The following ZPLD1 variants were observed in gnomAD, a reference collection of about 807,000 sequenced individuals.
ZPLD1 encodes the protein zona pellucida like domain containing 1, also known as zona pellucida-like domain-containing protein 1.
Under a neutral mutation model 47.2 loss-of-function variants are expected in ZPLD1, and 34 were observed. The observed-to-expected ratio is 0.72, with a 90% CI of 0.55 to 0.96. The LOEUF is 0.96. ZPLD1 is among the 40% of genes least tolerant of loss of function. The pLI is 0.00. For synonymous variants in ZPLD1, 176 were observed against 186.2 expected (o/e 0.95, Z 0.45); for missense variants, 512 against 505.8 (o/e 1.01, Z -0.12).
rs1559765116 is a variant in ZPLD1, at chr3:102,478,979, A to G, written c.*1361A>G. The G allele has an allele frequency of 6.6e-6, 1 of 152,172 alleles. No homozygotes were observed. The highest frequency in any genetic ancestry group is 2.4e-5 in the African/African-American group (1 of 41,438). 9.4% of individuals were successfully genotyped at this position (152,172 alleles called of 1,614,324 possible). A position where few individuals can be genotyped will look rare whatever the true frequency, so the allele number is the denominator to read the frequency against. On this transcript the variant is annotated 3_prime_UTR_variant, in exon 12 of 12. Coordinates refer to ENST00000466937, the MANE Select transcript of ZPLD1 (RefSeq NM_001329788.2). The stretch of plus-strand genomic sequence containing the variant: ...TTTACTATACTGCATGCAAATCATC[A>G]AGCAATTGCTTCAAAGGAAATGTCT...
intron 7 of ZPLD1, among the ~76,000 whole-genome samples, chr3:102,399,155 T>C (rs932434979): frequency 1.3e-5 from 2 of 152,142 alleles, no homozygotes; most frequent in African/African-American, 4.8e-5. Context: ...TGGCCACCTA[T>C]CTTGTATCCC....
intron 1 of ZPLD1, 147 bp downstream of exon 1, chr3:102,435,301 A>T (rs573811716): frequency 1.2e-6 from 1 of 817,110 alleles, no homozygotes; most frequent in South Asian, 1.7e-5. Context: ...TATAAGAGAT[A>T]TGGGTGTCCT....
chr3:102,474,382 C>A (rs1055086501), intron 10 of ZPLD1, among the ~76,000 whole-genome samples: 1 of 152,080 alleles, frequency 6.6e-6, no homozygotes, highest in Non-Finnish European at 1.5e-5. Context: ...GTTAATAATT[C>A]ATTTGAGCAT....
intron 7 of ZPLD1, among the ~76,000 whole-genome samples, chr3:102,407,274 T>C (rs1351196937): frequency 2.7e-5 from 4 of 150,430 alleles, no homozygotes; most frequent in Admixed American, 6.7e-5. Flanking sequence ...TGGGTAGGAA[T>C]ACAGATAAGT....
In ZPLD1 at chr3:102,420,447, T is replaced by C. The variant is rs142476774; in HGVS notation, c.-9+2240T>C. On this transcript the variant is annotated intron_variant, in intron 8 of 17. Coordinates refer to the ZPLD1 transcript ENST00000491959. ...TCACAAATATCTTAGTTTTTGTTGG[T>C]CTCTGTTATAATTACTAAAATACGT... is the stretch of plus-strand genomic sequence containing the variant. 3.9e-5 allele frequency among the ~76,000 whole-genome samples: 6 copies of C among 152,048 alleles called. No homozygotes were observed. The East Asian group carries it at 1.2e-3, about 29-fold the overall frequency.
chr3:102,463,538 C>T (rs1034432964), intron 7 of ZPLD1, among the ~76,000 whole-genome samples: 2 of 152,056 alleles, frequency 1.3e-5, no homozygotes, highest in Non-Finnish European at 2.9e-5. Context: ...CAATTTGGTG[C>T]AGATTTTTAA....
chr3:102,426,136 A>ATG (rs1156435602), intron 8 of ZPLD1, among the ~76,000 whole-genome samples: 14 of 143,984 alleles, frequency 9.7e-5, no homozygotes, highest in Middle Eastern at 3.2e-3. Context: ...ACACATGCAC[A>ATG]CACACACACA....
At chr3:102,474,083 C>A (rs1417266082) in intron 10 of ZPLD1, among the ~76,000 whole-genome samples, 1 of 152,128 alleles carries the variant, frequency 6.6e-6, no homozygotes, top group African/African-American at 2.4e-5. Context: ...CAAATCCATT[C>A]TGGATATTTT....
intron 8 of ZPLD1, among the ~76,000 whole-genome samples, chr3:102,466,041 G>C (rs1707586507): frequency 6.6e-6 from 1 of 152,162 alleles, no homozygotes; most frequent in Admixed American, 6.5e-5. Context: ...AGAATGCTCA[G>C]AGCCTCAGAA....
At chr3:102,437,866 C>T (rs763564232) in intron 2 of ZPLD1, among the ~76,000 whole-genome samples, 23 of 152,232 alleles carry the variant, frequency 1.5e-4, no homozygotes, top group Non-Finnish European at 2.6e-4. Context: ...GTTGTTCACA[C>T]ACAGAGTATT....
chr3:102,415,560 T>A (rs1167579029), intron 7 of ZPLD1, among the ~76,000 whole-genome samples: 1 of 151,874 alleles, frequency 6.6e-6, no homozygotes, highest in East Asian at 1.9e-4. Flanking sequence ...TTCTTATGTT[T>A]GTTTTATAAT....
In ZPLD1 at chr3:102,457,839, C is replaced by T. The variant is rs538713594; in HGVS notation, c.568C>T (p.Leu190=). The T allele has an allele frequency of 1.3e-5, 21 of 1,613,962 alleles. No homozygotes were observed. The South Asian group carries it at 1.9e-4, about 14-fold the overall frequency. ...NNGTFVSTLN[L]LLYNDSTYNQ... ...TGGCACATTTGTCAGCACTTTGAACCTGCTCCTTTATAACGTAAGTTGATG... is the reference window on the plus strand; with the variant it reads ...TGGCACATTTGTCAGCACTTTGAACTTGCTCCTTTATAACGTAAGTTGATG... The change falls in exon 6 of 12, where the codon CTG becomes TTG. Residue 190 remains leucine, a synonymous_variant. Transcript: ENST00000466937.
chr3:102,466,574 G>C (rs1338504079), intron 8 of ZPLD1, among the ~76,000 whole-genome samples: 1 of 152,044 alleles, frequency 6.6e-6, no homozygotes, highest in East Asian at 1.9e-4. Context: ...GAGAACTTAG[G>C]TAAGTAAGGA....
chr3:102,467,482 T>C (rs1707613643), intron 8 of ZPLD1, among the ~76,000 whole-genome samples: 1 of 152,080 alleles, frequency 6.6e-6, no homozygotes, highest in African/African-American at 2.4e-5. Context: ...GCTAGACACA[T>C]AGACAAAAGT....
intron 8 of ZPLD1, among the ~76,000 whole-genome samples, chr3:102,467,595 C>G (rs917946580): frequency 2.6e-5 from 4 of 151,964 alleles, no homozygotes; most frequent in South Asian, 2.1e-4. Context: ...TTTTTTAAAA[C>G]AGTGTTGGAC....
intron 3 of ZPLD1, among the ~76,000 whole-genome samples, chr3:102,448,486 G>A (rs1233961327): frequency 5.3e-5 from 8 of 152,144 alleles, no homozygotes; most frequent in African/African-American, 1.9e-4. Context: ...CTCACAAATG[G>A]TAAAGTTGTG....
intron 3 of ZPLD1, among the ~76,000 whole-genome samples, chr3:102,441,718 A>G (rs922497657): frequency 1.3e-5 from 2 of 152,126 alleles, no homozygotes; most frequent in Admixed American, 6.6e-5. Context: ...TCGCCCTTAT[A>G]TATAGCCAAG....
chr3:102,452,676 G>C (rs2164263), intron 3 of ZPLD1, among the ~76,000 whole-genome samples: 1 of 152,110 alleles, frequency 6.6e-6, no homozygotes, highest in Admixed American at 6.5e-5. Context: ...TGGACATCAA[G>C]CACAAGGAAA....
At chr3:102,460,940 C>T (rs996125679) in intron 6 of ZPLD1, among the ~76,000 whole-genome samples, 1 of 151,864 alleles carries the variant, frequency 6.6e-6, no homozygotes, top group African/African-American at 2.4e-5. Flanking sequence ...CATAAAAATA[C>T]TACCTATCAG....
Sources: allele counts gnomAD v4.1 joint callset (sites outside exome capture counted in the v4.1 genomes callset), GRCh38; gene constraint gnomAD v4.1.1; transcripts MANE v1.5; gene names NCBI Gene and HGNC (gene_info 2026-07-23, HGNC 2026-07-21).